Variants in ZFR2 observed in about 807,000 individuals in gnomAD.
The protein encoded by ZFR2 is zinc finger RNA binding protein 2, also known as zinc finger RNA-binding protein 2.
A neutral mutation model predicts 105.7 loss-of-function variants in ZFR2; 104 were observed. The observed-to-expected ratio is 0.98, with a 90% confidence interval of 0.84 to 1.16. ZFR2 has a LOEUF of 1.16. Among genes scored for constraint, ZFR2 ranks in the 50% most tolerant of loss-of-function variants. ZFR2 has a pLI of 0.00. For missense variants in ZFR2, 1,425 were observed against 1,355.5 expected (o/e 1.05, Z -0.80); for synonymous variants, 634 against 597.7 (o/e 1.06, Z -0.89).
chr19:3,807,621 G>A (rs184299238), intron 17 of ZFR2, among the ~76,000 whole-genome samples: 9 of 152,014 alleles, frequency 5.9e-5, no homozygotes, highest in East Asian at 5.8e-4. Context: ...GCTCATTGGC[G>A]TATGTGCATG....
intron 1 of ZFR2, among the ~76,000 whole-genome samples, chr19:3,848,399 C>T (rs536533159): frequency 5.6e-4 from 85 of 150,674 alleles, no homozygotes; most frequent in Non-Finnish European, 9.3e-4. Context: ...GCAATAAGAG[C>T]GAAACTCCAT....
Position 3,806,137 on chromosome 19 carries a change from A to G in ZFR2, c.2644-12T>C, listed in dbSNP as rs774224042. The G allele has an allele frequency of 4.2e-6, 6 of 1,423,144 alleles. No individual in the cohort carries two copies. The highest frequency in any genetic ancestry group is 3.7e-6 in the Non-Finnish European group (4 of 1,090,334). The allele number at this position is 1,423,144 out of a possible 1,614,324, so 88.2% of individuals were successfully genotyped here. On this transcript the variant is annotated splice_polypyrimidine_tract_variant and intron_variant, in intron 18 of 18. Coordinates refer to ENST00000262961, the MANE Select transcript of ZFR2 (RefSeq NM_015174.2). ...ATTCGCAGGGCGTGCTGCGGGGCAC[A>G]CACAGCCTGTCAGGACCCCCGCCCG...
chr19:3,834,728 G>T lies in ZFR2; in HGVS notation c.264+45C>A. On this transcript the variant is annotated intron_variant, in intron 2 of 18. Transcript: ENST00000262961. The surrounding 1 kb of genome is among the most constrained non-coding windows in gnomAD (Gnocchi z 5.3). ...CCCACCGCTCTCACCCATGCAAGGCGACCCACGTTTCCCGGCAACGCTGGT... is the reference window on the plus strand; with the variant it reads ...CCCACCGCTCTCACCCATGCAAGGCTACCCACGTTTCCCGGCAACGCTGGT... The T allele has an allele frequency of 6.3e-7, 1 of 1,589,732 alleles. No individual in the cohort carries two copies. Among genetic ancestry groups the T allele is most frequent in the South Asian group, 1.1e-5 (1 of 88,686 alleles).
At position 3,831,714 on chromosome 19, in the gene ZFR2, T is replaced by C. The variant is rs370084447; in HGVS notation, c.544A>G (p.Ile182Val). The change falls in exon 4 of 19, where the codon ATC becomes GTC. Residue 182 changes from isoleucine (I) to valine (V), a missense_variant. Transcript: ENST00000262961. The stretch of plus-strand genomic sequence containing the variant: ...GAGGGCGGGGGGTAGGAGGTCACGA[T>C]GGAAGCTGACGACTCGGGCTGGACG... The part of the protein sequence containing the change: ...TGVQPESSAS[I>V]VTSYPPPSYN... The C allele has an allele frequency of 1.1e-4, 182 of 1,595,732 alleles. No homozygotes were observed. Among genetic ancestry groups the C allele is most frequent in the Non-Finnish European group, 1.5e-4 (173 of 1,170,578 alleles).
chr19:3,821,853 C>T (rs1422668061), intron 9 of ZFR2, among the ~76,000 whole-genome samples: 4 of 152,134 alleles, frequency 2.6e-5, no homozygotes, highest in African/African-American at 9.7e-5. Context: ...AAATGATCCA[C>T]CCAACTTGGC....
At chr19:3,827,284 G>A (rs1463072741) in intron 6 of ZFR2, among the ~76,000 whole-genome samples, 187 bp downstream of exon 6, 1 of 152,196 alleles carries the variant, frequency 6.6e-6, no homozygotes, top group African/African-American at 2.4e-5. Flanking sequence ...TAAAATAACT[G>A]GAAAGGAGTT....
chr19:3,865,745 G>T (rs2038420198), intron 1 of ZFR2, among the ~76,000 whole-genome samples: 1 of 152,148 alleles, frequency 6.6e-6, no homozygotes, highest in Non-Finnish European at 1.5e-5. Flanking sequence ...CTTGAAACAG[G>T]TGTTGTAAAT....
At chr19:3,826,733 C>T (rs1030414809) in intron 6 of ZFR2, among the ~76,000 whole-genome samples, 1 of 152,110 alleles carries the variant, frequency 6.6e-6, no homozygotes, top group African/African-American at 2.4e-5. Flanking sequence ...GCACCACGCC[C>T]GGCCTGACCC....
At chr19:3,828,200 AGTGGC>A (rs2037974320) in intron 5 of ZFR2, among the ~76,000 whole-genome samples, 1 of 147,924 alleles carries the variant, frequency 6.8e-6, no homozygotes, top group Admixed American at 6.8e-5. Context: ...GCTGGAGTGC[AGTGGC>A]GTGATCTCAG....
At chr19:3,831,588 G>C (rs1329306865) in intron 4 of ZFR2, 32 bp from the exon 5 acceptor site, 1 of 1,540,794 alleles carries the variant, frequency 6.5e-7, no homozygotes, top group Non-Finnish European at 8.8e-7. Flanking sequence ...GAGTCGGGGG[G>C]AGATGCTGAT....
At chr19:3,825,590 G>A (rs1287050635) in intron 6 of ZFR2, among the ~76,000 whole-genome samples, 183 bp from the exon 7 acceptor site, 2 of 152,160 alleles carry the variant, frequency 1.3e-5, no homozygotes, top group Non-Finnish European at 2.9e-5. Context: ...CCCTTCCCAG[G>A]TGGCCTCCTG....
At position 3,806,111 on chromosome 19, in the gene ZFR2, CATTCGCAGGGCGTG is replaced by C; in HGVS notation, c.2644_2657del (p.His882AlafsTer93). The C allele has an allele frequency of 6.8e-7, 1 of 1,465,148 alleles. No individual in the cohort carries two copies. The highest frequency in any genetic ancestry group is 9.0e-7 in the Non-Finnish European group (1 of 1,108,070). The allele number at this position is 1,465,148 out of a possible 1,614,324, so 90.8% of individuals were successfully genotyped here. ...CCTTGTGGGTCTGCCGGAAGGCCAG[CATTCGCAGGGCGTG>C]CTGCGGGGCACACACAGCCTGTCAG... On this transcript the variant is annotated frameshift_variant and splice_region_variant, in exon 19 of 19. Coordinates refer to ENST00000262961, the MANE Select transcript of ZFR2 (RefSeq NM_015174.2). LOFTEE classifies it low-confidence loss of function (END_TRUNC).
intron 5 of ZFR2, among the ~76,000 whole-genome samples, chr19:3,827,963 G>A (rs1188881242): frequency 6.6e-6 from 1 of 151,458 alleles, no homozygotes; most frequent in Non-Finnish European, 1.5e-5. Flanking sequence ...TGGGACTACA[G>A]GCGGGTGCCA....
intron 12 of ZFR2, 70 bp from the exon 13 acceptor site, chr19:3,816,915 T>G (rs1375531367): frequency 7.1e-7 from 1 of 1,408,506 alleles, no homozygotes; most frequent in African/African-American, 1.4e-5. Flanking sequence ...GCCTCCCTCC[T>G]GAGCTACGGG....
chr19:3,806,526 C>T (rs984806669), intron 18 of ZFR2, among the ~76,000 whole-genome samples: 2 of 152,236 alleles, frequency 1.3e-5, no homozygotes, highest in East Asian at 1.9e-4. Flanking sequence ...TCCCAAAGTG[C>T]TGGGATGACA....
intron 13 of ZFR2, among the ~76,000 whole-genome samples, chr19:3,815,964 C>T (rs1364863817): frequency 2.0e-5 from 3 of 151,690 alleles, no homozygotes; most frequent in African/African-American, 7.3e-5. Context: ...ACCGTGTTAG[C>T]CAGGATGGTC....
Position 3,823,484 on chromosome 19 carries a change from GGAGA to G in ZFR2, c.1214-85_1214-82del. On this transcript the variant is annotated intron_variant, in intron 7 of 18. Transcript: ENST00000262961. The surrounding 1 kb of genome is among the most constrained non-coding windows in gnomAD (Gnocchi z 5.4). ...GCAGACCCGCCAGGCGGCATGGGGT[GGAGA>G]GCCACCCAGACTGCAGGCTGTGCCA... is the stretch of plus-strand genomic sequence containing the variant. 3.5e-6 allele frequency: 5 copies of G among 1,433,590 alleles called. No homozygotes were observed. Among genetic ancestry groups the G allele is most frequent in the Non-Finnish European group, 4.7e-6 (5 of 1,070,268 alleles). The allele number at this position is 1,433,590 out of a possible 1,614,324, so 88.8% of individuals were successfully genotyped here. A position where few individuals can be genotyped will look rare whatever the true frequency, so the allele number is the denominator to read the frequency against.
At chr19:3,850,343 GA>G (rs2038225335) in intron 1 of ZFR2, among the ~76,000 whole-genome samples, 1 of 152,106 alleles carries the variant, frequency 6.6e-6, no homozygotes, top group African/African-American at 2.4e-5. Context: ...GGTGAGGGGT[GA>G]CGGGAGGCAG....
Position 3,838,734 on chromosome 19 carries a change from T to C in ZFR2, c.54-3751A>G, listed in dbSNP as rs1490148486. The stretch of plus-strand genomic sequence containing the variant: ...GGGACGAGCCCTCCTGGAGCCCCTG[T>C]GGCCTGATGCTGATCAGCCTCTGTC... On this transcript the variant is annotated intron_variant, in intron 1 of 18. Coordinates refer to ENST00000262961, the MANE Select transcript of ZFR2 (RefSeq NM_015174.2). This position sits in a 1 kb window ranked among gnomAD's most constrained non-coding sequence, Gnocchi z 4.9. Among the ~76,000 whole-genome samples the C allele has an allele frequency of 2.0e-5, 3 of 152,160 alleles. No individual in the cohort carries two copies. Among genetic ancestry groups the C allele is most frequent in the African/African-American group, 7.2e-5 (3 of 41,446 alleles).
Sources: allele counts gnomAD v4.1 joint callset (sites outside exome capture counted in the v4.1 genomes callset), GRCh38; gene constraint gnomAD v4.1.1; non-coding constraint Gnocchi (gnomAD v3.1); transcripts MANE v1.5; gene names NCBI Gene and HGNC (gene_info 2026-07-23, HGNC 2026-07-21).